SFMBT2: variants seen among roughly 807,000 people sequenced by gnomAD.
SFMBT2 encodes the protein Scm like with four mbt domains 2, also known as scm-like with four MBT domains protein 2.
Under a neutral mutation model 110.1 loss-of-function variants are expected in SFMBT2, and 38 were observed. The ratio of observed to expected loss-of-function variants is 0.35; its 90% confidence interval spans 0.27 to 0.45. SFMBT2 has a LOEUF of 0.45. Ranked by LOEUF, SFMBT2 falls within the 20% of genes least tolerant of loss-of-function variation. The pLI is 1.00. For missense variants in SFMBT2, 1,011 were observed against 1,094.9 expected (o/e 0.92, Z 1.08); for synonymous variants, 425 against 425.4 (o/e 1.00, Z 0.01).
chr10:7,198,000 T>G, intron 14 of SFMBT2: 1 of 985,428 alleles, frequency 1.0e-6, no homozygotes, highest in Non-Finnish European at 1.2e-6. Context: ...GCAGGACATT[T>G]TATATCCTTA....
In SFMBT2 at chr10:7,247,418, C is replaced by T. The variant is rs118141363; in HGVS notation, c.972+1130G>A. Among the ~76,000 whole-genome samples, 90 of 152,128 alleles carry T rather than the reference C, an allele frequency of 5.9e-4. 2 individuals are homozygous for T. In the East Asian group the frequency reaches 0.016, roughly 26 times the overall value. Reference sequence around the variant, plus strand: ...AGGCATGAGTCACTGTGCCCAGCTCCGAAAGTTATCCTTGAAATAAGCTAC... The same window carrying T: ...AGGCATGAGTCACTGTGCCCAGCTCTGAAAGTTATCCTTGAAATAAGCTAC... On this transcript the variant is annotated intron_variant, in intron 8 of 20. Transcript: ENST00000397167.
chr10:7,208,938 C>T (rs925924712), intron 11 of SFMBT2, among the ~76,000 whole-genome samples: 6 of 152,120 alleles, frequency 3.9e-5, no homozygotes, highest in African/African-American at 1.4e-4. Flanking sequence ...ACCTTTCCCT[C>T]AAAAAGGTTA....
intron 10 of SFMBT2, among the ~76,000 whole-genome samples, chr10:7,226,731 T>C (rs534712860): frequency 6.6e-6 from 1 of 152,238 alleles, no homozygotes; most frequent in African/African-American, 2.4e-5. Flanking sequence ...ACTACAGTCA[T>C]GTACTGCATA....
chr10:7,218,941 C>T lies in SFMBT2; in HGVS notation c.1330+1470G>A, dbSNP rs117625552. On this transcript the variant is annotated intron_variant, in intron 11 of 20. Transcript: ENST00000397167. ...TGTTAGGTAATTAACAGTCATAAAG[C>T]ATGCTGAAAGTAGAAACTGCTAAAT... is the stretch of plus-strand genomic sequence containing the variant. Among the ~76,000 whole-genome samples, 1,195 of 152,280 alleles carry T rather than the reference C, an allele frequency of 7.8e-3. 10 individuals carry two copies. Among genetic ancestry groups the T allele is most frequent in the Non-Finnish European group, 0.011 (755 of 68,022 alleles).
chr10:7,203,023 A>G (rs907875117), intron 12 of SFMBT2: 5 of 985,464 alleles, frequency 5.1e-6, no homozygotes, highest in Non-Finnish European at 6.0e-6. Context: ...ATTGACATAA[A>G]TGAGCAAATA....
intron 12 of SFMBT2, chr10:7,203,279 G>GAA (rs1398510350): frequency 5.2e-6 from 1 of 192,790 alleles, no homozygotes; most frequent in Non-Finnish European, 9.5e-6. Flanking sequence ...AAATAAATAA[G>GAA]AAAAATACTC....
At chr10:7,341,184 T>C (rs912119467) in intron 4 of SFMBT2, among the ~76,000 whole-genome samples, 6 of 152,208 alleles carry the variant, frequency 3.9e-5, no homozygotes, top group South Asian at 2.1e-4. Flanking sequence ...TCGGGCCTCA[T>C]GGCCATCCAA....
intron 8 of SFMBT2, among the ~76,000 whole-genome samples, chr10:7,244,731 C>T (rs1372110816): frequency 6.6e-6 from 1 of 152,150 alleles, no homozygotes; most frequent in Non-Finnish European, 1.5e-5. Context: ...GAGAGTTTTA[C>T]AAAGCTATGA....
At chr10:7,395,792 A>G (rs1845908962) in intron 1 of SFMBT2, among the ~76,000 whole-genome samples, 1 of 151,530 alleles carries the variant, frequency 6.6e-6, no homozygotes. Flanking sequence ...TTATATCCCT[A>G]AGGCTATGAA....
chr10:7,291,176 G>T (rs552426379), intron 4 of SFMBT2, among the ~76,000 whole-genome samples: 43 of 152,318 alleles, frequency 2.8e-4, no homozygotes, highest in African/African-American at 9.1e-4. Flanking sequence ...GAGACCAGCT[G>T]CCCCAGGCCT....
At chr10:7,283,064 C>A (rs1841992687) in intron 6 of SFMBT2, among the ~76,000 whole-genome samples, 1 of 152,278 alleles carries the variant, frequency 6.6e-6, no homozygotes, top group African/African-American at 2.4e-5. Flanking sequence ...GGACCTTGGA[C>A]AACTAGCTGA....
At chr10:7,239,217 G>A (rs1490493719) in intron 9 of SFMBT2, among the ~76,000 whole-genome samples, 2 of 152,150 alleles carry the variant, frequency 1.3e-5, no homozygotes, top group Admixed American at 1.3e-4. Context: ...TGTAATTGTA[G>A]GCAGCATCCA....
intron 11 of SFMBT2, among the ~76,000 whole-genome samples, chr10:7,219,474 G>A (rs1008840977): frequency 1.3e-5 from 2 of 152,170 alleles, no homozygotes; most frequent in African/African-American, 4.8e-5. Context: ...TGAGATTGTA[G>A]GCTTATTTAA....
chr10:7,385,749 CA>C (rs1476014331), intron 1 of SFMBT2, among the ~76,000 whole-genome samples: 2 of 152,100 alleles, frequency 1.3e-5, no homozygotes, highest in African/African-American at 4.8e-5. Flanking sequence ...CCTGTAATCC[CA>C]GCACTTTGGG....
At chr10:7,360,783 A>T (rs907055446) in intron 4 of SFMBT2, among the ~76,000 whole-genome samples, 1 of 152,230 alleles carries the variant, frequency 6.6e-6, no homozygotes, top group Non-Finnish European at 1.5e-5. Context: ...GAATGTGTAC[A>T]CAGACTCTCT....
chr10:7,380,653 C>CT (rs1209074662), intron 2 of SFMBT2, among the ~76,000 whole-genome samples: 8 of 106,528 alleles, frequency 7.5e-5, no homozygotes, highest in African/African-American at 2.3e-4. Flanking sequence ...ACAATGCAAC[C>CT]CTTTTTTTTT....
intron 14 of SFMBT2, 55 bp from the exon 15 acceptor site, chr10:7,197,742 G>A: frequency 1.3e-6 from 2 of 1,594,204 alleles, no homozygotes; most frequent in Non-Finnish European, 1.7e-6. Context: ...AGACCCTAGG[G>A]GACCCCTAGA....
intron 7 of SFMBT2, among the ~76,000 whole-genome samples, chr10:7,263,182 A>C (rs1280890431): frequency 6.6e-6 from 1 of 152,154 alleles, no homozygotes; most frequent in Non-Finnish European, 1.5e-5. Flanking sequence ...ACAGAGGGAC[A>C]TGCACCAGTC....
intron 15 of SFMBT2, among the ~76,000 whole-genome samples, chr10:7,192,997 A>G (rs1378515837): frequency 3.3e-5 from 5 of 152,210 alleles, no homozygotes; most frequent in Admixed American, 3.3e-4. Flanking sequence ...GAAGCGCCTC[A>G]TTGCAAAGCA....
Sources: allele counts gnomAD v4.1 joint callset (sites outside exome capture counted in the v4.1 genomes callset), GRCh38; gene constraint gnomAD v4.1.1; transcripts MANE v1.5; gene names NCBI Gene and HGNC (gene_info 2026-07-23, HGNC 2026-07-21).